SLC16A7: variants seen among roughly 807,000 people sequenced by gnomAD.
The protein encoded by SLC16A7 is solute carrier family 16 member 7, also known as monocarboxylate transporter 2.
Under a neutral mutation model 34.9 loss-of-function variants are expected in SLC16A7, and 33 were observed. That is an observed-to-expected ratio of 0.94 (90% CI 0.72 to 1.26). The LOEUF (loss-of-function observed/expected upper bound fraction) is 1.26, where lower values mean the gene tolerates loss of function less well. SLC16A7 is among the 50% of genes most tolerant of loss of function. The pLI, the probability that SLC16A7 is intolerant of heterozygous loss-of-function variation, is 0.00. For missense variants in SLC16A7, 573 were observed against 578.1 expected, an observed-to-expected ratio of 0.99 and a Z score of 0.09; for synonymous variants, 201 against 206.6, an observed-to-expected ratio of 0.97 and a Z score of 0.23.
At chr12:59,683,870 A>T (rs998187901) in intron 2 of SLC16A7, among the ~76,000 whole-genome samples, 4 of 152,200 alleles carry the variant, frequency 2.6e-5, no homozygotes, top group Non-Finnish European at 4.4e-5. Context: ...GTAAGTGAGA[A>T]ACCAAGGACT....
chr12:59,755,225 A>C (rs1162883611), intron 3 of SLC16A7, among the ~76,000 whole-genome samples: 1 of 152,154 alleles, frequency 6.6e-6, no homozygotes, highest in Non-Finnish European at 1.5e-5. Flanking sequence ...CACCACTCCT[A>C]TTCAACATAG....
intron 2 of SLC16A7, among the ~76,000 whole-genome samples, chr12:59,686,467 A>C (rs1355538168): frequency 2.6e-5 from 4 of 152,118 alleles, no homozygotes; most frequent in African/African-American, 9.7e-5. Flanking sequence ...ATATTTTTGC[A>C]CATCACATAA....
rs549741271 is a variant in SLC16A7, at chr12:59,785,525, A to G, written c.*5846A>G. On this transcript the variant is annotated 3_prime_UTR_variant, in exon 6 of 6. Transcript: ENST00000547379. ...CTCCTGCTTCTTCATCATCTCCTAA[A>G]TGTTTTCCTTTCTATGTTTTTATAA... 3.9e-5 allele frequency: 6 copies of G among 152,188 alleles called. No homozygotes were observed. In the East Asian group the frequency reaches 1.2e-3, roughly 29 times the overall value. 9.4% of individuals were successfully genotyped at this position (152,188 alleles called of 1,614,324 possible).
chr12:59,621,213 A>G (rs577279739), intron 1 of SLC16A7, among the ~76,000 whole-genome samples: 80 of 151,936 alleles, frequency 5.3e-4, no homozygotes, highest in African/African-American at 1.9e-3. Context: ...CACACTGATT[A>G]TTGATTGTAG....
chr12:59,724,525 G>C (rs1876004365), intron 3 of SLC16A7, among the ~76,000 whole-genome samples: 1 of 151,748 alleles, frequency 6.6e-6, no homozygotes, highest in African/African-American at 2.4e-5. Context: ...AAAGTGCAAA[G>C]TGCAACATGT....
intron 2 of SLC16A7, among the ~76,000 whole-genome samples, chr12:59,660,883 T>C (rs1868812555): frequency 6.6e-6 from 1 of 152,176 alleles, no homozygotes; most frequent in African/African-American, 2.4e-5. Flanking sequence ...CATTTATTTA[T>C]ATCTGGTTAA....
intron 4 of SLC16A7, among the ~76,000 whole-genome samples, chr12:59,773,952 G>A (rs1430280192): frequency 6.6e-6 from 1 of 152,156 alleles, no homozygotes; most frequent in Non-Finnish European, 1.5e-5. Flanking sequence ...TTTTCCAAAG[G>A]TGATACTCAA....
chr12:59,742,529 G>A lies in SLC16A7; in HGVS notation c.218-28690G>A, dbSNP rs372296136. ...TAGGAGGAAAGTGAGAAATCACAGT[G>A]GAGATGGGAAAATCAAGTGTTCTGC... On this transcript the variant is annotated intron_variant, in intron 3 of 5. Transcript: ENST00000547379. Among the ~76,000 whole-genome samples the A allele has an allele frequency of 1.3e-3, 191 of 152,312 alleles. 3 individuals carry two copies. In the South Asian group the frequency reaches 0.02, roughly 16 times the overall value.
intron 1 of SLC16A7, among the ~76,000 whole-genome samples, chr12:59,640,444 T>C (rs1592423337): frequency 6.6e-6 from 1 of 152,006 alleles, no homozygotes. Flanking sequence ...AGAGAAAAAA[T>C]AATTTAGAAT....
intron 1 of SLC16A7, among the ~76,000 whole-genome samples, chr12:59,625,482 C>T (rs1239261216): frequency 1.3e-5 from 2 of 151,746 alleles, no homozygotes; most frequent in African/African-American, 4.8e-5. Flanking sequence ...GTTTGAATCT[C>T]AGATTCAAAT....
At chr12:59,705,253 AG>A (rs1873431934) in intron 3 of SLC16A7, among the ~76,000 whole-genome samples, 1 of 152,206 alleles carries the variant, frequency 6.6e-6, no homozygotes, top group South Asian at 2.1e-4. Flanking sequence ...AGAATTTGTA[AG>A]CACAAAGCAA....
At chr12:59,599,175 T>C (rs1289181941) in intron 1 of SLC16A7, among the ~76,000 whole-genome samples, 1 of 152,044 alleles carries the variant, frequency 6.6e-6, no homozygotes, top group Non-Finnish European at 1.5e-5. Context: ...TCAGAACAAC[T>C]GATTATAGAA....
At position 59,704,807 on chromosome 12, in the gene SLC16A7, A is replaced by G. The variant is rs769451685; in HGVS notation, c.6A>G (p.Pro2=). 7.4e-6 allele frequency: 12 copies of G among 1,612,202 alleles called. No individual in the cohort carries two copies. The Middle Eastern group carries it at 5.0e-4, about 67-fold the overall frequency. Residue 2 remains proline, a synonymous_variant, in exon 3 of 6, where the codon CCA becomes CCG. Coordinates refer to ENST00000547379, the MANE Select transcript of SLC16A7 (RefSeq NM_001270623.2). M[P]PMPSAPPVHP... Reference sequence around the variant, plus strand: ...TTTCCACTAGAGGAGCAGAAATGCCACCAATGCCAAGTGCCCCACCTGTGC... The same window carrying G: ...TTTCCACTAGAGGAGCAGAAATGCCGCCAATGCCAAGTGCCCCACCTGTGC...
At chr12:59,753,248 C>T (rs1307852598) in intron 3 of SLC16A7, among the ~76,000 whole-genome samples, 2 of 152,154 alleles carry the variant, frequency 1.3e-5, no homozygotes, top group Non-Finnish European at 2.9e-5. Flanking sequence ...CAAATTCACA[C>T]ATAACAGTAT....
chr12:59,665,810 G>C (rs889179476), intron 2 of SLC16A7, among the ~76,000 whole-genome samples: 1 of 66,060 alleles, frequency 1.5e-5, no homozygotes, highest in Non-Finnish European at 2.5e-5. Context: ...TATATAACAC[G>C]TGTGTGTGTG....
intron 3 of SLC16A7, among the ~76,000 whole-genome samples, chr12:59,726,671 G>A (rs575568305): frequency 3.9e-5 from 6 of 152,236 alleles, no homozygotes; most frequent in Admixed American, 2.6e-4. Context: ...AGGACCAGGA[G>A]ATCTGATTTC....
At chr12:59,634,517 A>G (rs1880329178) in intron 1 of SLC16A7, among the ~76,000 whole-genome samples, 1 of 151,930 alleles carries the variant, frequency 6.6e-6, no homozygotes, top group Non-Finnish European at 1.5e-5. Flanking sequence ...AACTTTGGGG[A>G]TAAGGGGGAT....
In SLC16A7 at chr12:59,774,865, G is replaced by C; in HGVS notation, c.570G>C (p.Val190=). 1 of 1,613,876 alleles carries C rather than the reference G, an allele frequency of 6.2e-7. No individual in the cohort carries two copies. Among genetic ancestry groups the C allele is most frequent in the East Asian group, 2.2e-5 (1 of 44,860 alleles). Residue 190 remains valine (V), a synonymous_variant, in exon 5 of 6, where the codon GTG becomes GTC. Transcript: ENST00000547379. ...GAAGTCTACTTTTGAATGCCTGTGTGGCTGGTTCCCTCATGAGACCCCTTG... is the reference window on the plus strand; with the variant it reads ...GAAGTCTACTTTTGAATGCCTGTGTCGCTGGTTCCCTCATGAGACCCCTTG... ...ILGSLLLNAC[V]AGSLMRPLGP...
At chr12:59,701,771 T>C (rs1872914258) in intron 2 of SLC16A7, among the ~76,000 whole-genome samples, 1 of 151,790 alleles carries the variant, frequency 6.6e-6, no homozygotes, top group African/African-American at 2.4e-5. Context: ...AATATTTGTA[T>C]TGATGTTATT....
Sources: allele counts gnomAD v4.1 joint callset (sites outside exome capture counted in the v4.1 genomes callset), GRCh38; gene constraint gnomAD v4.1.1; transcripts MANE v1.5; gene names NCBI Gene and HGNC (gene_info 2026-07-23, HGNC 2026-07-21).